The following CCDC148 variants were observed in gnomAD, a reference collection of about 807,000 sequenced individuals.
CCDC148 encodes the protein coiled-coil domain-containing protein 148.
CCDC148 carries 89 observed loss-of-function variants against 85.7 expected under a neutral mutation model. The observed-to-expected ratio is 1.04, with a 90% CI of 0.87 to 1.24. The LOEUF is 1.24. CCDC148 is among the 50% of genes most tolerant of loss of function. CCDC148 has a pLI of 0.00. For missense variants in CCDC148, 692 were observed against 671.7 expected (o/e 1.03, Z -0.33); for synonymous variants, 230 against 213.9 (o/e 1.08, Z -0.66).
In CCDC148 at chr2:158,250,952, C is replaced by T. The variant is rs755188305; in HGVS notation, c.1111-40G>A. The T allele has an allele frequency of 2.4e-5, 38 of 1,561,420 alleles. No homozygotes were observed. The Admixed American group carries it at 3.6e-4, about 15-fold the overall frequency. The stretch of plus-strand genomic sequence containing the variant: ...AAAACTTCATTCCAGTAACTATGCA[C>T]ACTGAAGTTATTTCATAGGTCATAA... On this transcript the variant is annotated intron_variant, in intron 9 of 13. Coordinates refer to ENST00000283233, the MANE Select transcript of CCDC148 (RefSeq NM_138803.4).
chr2:158,288,152 C>T (rs573783522), intron 9 of CCDC148, among the ~76,000 whole-genome samples: 1 of 152,238 alleles, frequency 6.6e-6, no homozygotes, highest in East Asian at 1.9e-4. Flanking sequence ...GAACCCTAGG[C>T]CCAGCCCATG....
intron 1 of CCDC148, among the ~76,000 whole-genome samples, chr2:158,449,431 T>C (rs973073405): frequency 1.8e-4 from 26 of 147,548 alleles, no homozygotes; most frequent in African/African-American, 6.5e-4. Context: ...ATGAGTTCTG[T>C]CCCTTCTTGC....
At chr2:158,442,841 A>C (rs779270602) in intron 1 of CCDC148, among the ~76,000 whole-genome samples, 36 of 152,296 alleles carry the variant, frequency 2.4e-4, no homozygotes, top group Middle Eastern at 3.4e-3. Context: ...TTTGAGTAAC[A>C]CTGTTCTTCC....
intron 10 of CCDC148, among the ~76,000 whole-genome samples, chr2:158,243,291 T>A (rs1036204740): frequency 6.6e-6 from 1 of 152,158 alleles, no homozygotes; most frequent in African/African-American, 2.4e-5. Context: ...TCTTCTTGAA[T>A]GGTAGTAGGC....
At chr2:158,406,613 CTTTTT>C (rs61612452) in intron 1 of CCDC148, among the ~76,000 whole-genome samples, 5 of 31,452 alleles carry the variant, frequency 1.6e-4, no homozygotes, top group African/African-American at 2.0e-4. Context: ...GATTAAATTT[CTTTTT>C]TTTTTTTTTT....
intron 9 of CCDC148, among the ~76,000 whole-genome samples, chr2:158,261,611 A>C (rs1689227438): frequency 6.6e-6 from 1 of 151,750 alleles, no homozygotes; most frequent in Non-Finnish European, 1.5e-5. Context: ...AATATTTGCA[A>C]GCTATGCATC....
intron 10 of CCDC148, among the ~76,000 whole-genome samples, chr2:158,244,804 T>C (rs560231733): frequency 6.6e-6 from 1 of 151,954 alleles, no homozygotes; most frequent in South Asian, 2.1e-4. Flanking sequence ...GGCTGGAGGG[T>C]GAGTAGGGGA....
At chr2:158,314,314 A>G (rs1251017691) in intron 7 of CCDC148, among the ~76,000 whole-genome samples, 1 of 152,236 alleles carries the variant, frequency 6.6e-6, no homozygotes, top group Admixed American at 6.5e-5. Flanking sequence ...AGACAGTTAA[A>G]TGAGCAATTA....
chr2:158,311,887 T>C (rs1692034554), intron 8 of CCDC148, among the ~76,000 whole-genome samples: 1 of 152,160 alleles, frequency 6.6e-6, no homozygotes, highest in African/African-American at 2.4e-5. Context: ...GCAGTGAATC[T>C]CATCCATGGG....
At position 158,375,746 on chromosome 2, in the gene CCDC148, T is replaced by G. The variant is rs530613411; in HGVS notation, c.26-17176A>C. On this transcript the variant is annotated intron_variant, in intron 1 of 13. Transcript: ENST00000283233. Reference sequence around the variant, plus strand: ...CTGCTGGGAATTTCAGGGCAAGATATGTTTTCTCATACAGGCACACCTCCT... The same window carrying G: ...CTGCTGGGAATTTCAGGGCAAGATAGGTTTTCTCATACAGGCACACCTCCT... Among the ~76,000 whole-genome samples the G allele has an allele frequency of 3.9e-5, 6 of 152,244 alleles. No individual in the cohort carries two copies. The South Asian group carries it at 1.2e-3, about 32-fold the overall frequency.
chr2:158,356,975 G>C (rs71218636), intron 2 of CCDC148, among the ~76,000 whole-genome samples: 3 of 148,704 alleles, frequency 2.0e-5, no homozygotes, highest in African/African-American at 7.5e-5. Context: ...GTAAACTATC[G>C]CAAGAACAAA....
Position 158,352,594 on chromosome 2 carries a change from G to C in CCDC148, c.147+5855C>G, listed in dbSNP as rs570024785. Among the ~76,000 whole-genome samples the C allele has an allele frequency of 4.3e-4, 66 of 152,180 alleles. 1 individual carries two copies. Among genetic ancestry groups the C allele is most frequent in the African/African-American group, 1.5e-3 (62 of 41,510 alleles). On this transcript the variant is annotated intron_variant, in intron 2 of 13. Coordinates refer to ENST00000283233, the MANE Select transcript of CCDC148 (RefSeq NM_138803.4). The stretch of plus-strand genomic sequence containing the variant: ...GACTATGTGAAAAGACCAAATCTAC[G>C]TCTGATTGGTGTACCTGAAAGTGAT...
rs372534845 is a variant in CCDC148, at chr2:158,437,921, C to A, written c.25+18494G>T. ...ACCTAGGAATCCAACTTACAAGGGACGTGAAGGACCTCTTCAAGGAGAACT... is the reference window on the plus strand; with the variant it reads ...ACCTAGGAATCCAACTTACAAGGGAAGTGAAGGACCTCTTCAAGGAGAACT... On this transcript the variant is annotated intron_variant, in intron 1 of 13. Transcript: ENST00000283233. 2.6e-5 allele frequency among the ~76,000 whole-genome samples: 4 copies of A among 152,130 alleles called. No homozygotes were observed. In the South Asian group the frequency reaches 6.2e-4, roughly 24 times the overall value.
At chr2:158,436,336 C>G (rs773533102) in intron 1 of CCDC148, among the ~76,000 whole-genome samples, 2 of 152,200 alleles carry the variant, frequency 1.3e-5, no homozygotes, top group African/African-American at 2.4e-5. Context: ...CTCAAAACCA[C>G]ACAACTACAT....
chr2:158,235,685 TC>T (rs1179823047), intron 10 of CCDC148: 1 of 152,224 alleles, frequency 6.6e-6, no homozygotes, highest in Non-Finnish European at 1.5e-5. Context: ...TAATTTCTCA[TC>T]TTTTATTCTT....
intron 7 of CCDC148, among the ~76,000 whole-genome samples, chr2:158,328,016 CTCATT>C (rs1340553513): frequency 6.6e-6 from 1 of 151,736 alleles, no homozygotes; most frequent in Non-Finnish European, 1.5e-5. Context: ...ACTAAATTAT[CTCATT>C]TCTTTTTTTT....
Position 158,276,265 on chromosome 2 carries a change from T to C in CCDC148, c.1111-25353A>G, listed in dbSNP as rs531491056. ...GGCCAATATGGTGAAACCCTGTCTC[T>C]ACTAAAAATACAAAAAAATTTAGCC... On this transcript the variant is annotated intron_variant, in intron 9 of 13. Coordinates refer to ENST00000283233, the MANE Select transcript of CCDC148 (RefSeq NM_138803.4). Among the ~76,000 whole-genome samples the C allele has an allele frequency of 6.6e-5, 10 of 152,142 alleles. No individual in the cohort carries two copies. In the South Asian group the frequency reaches 2.1e-3, roughly 32 times the overall value.
chr2:158,266,093 C>A (rs77335545), intron 9 of CCDC148, among the ~76,000 whole-genome samples: 17,219 of 152,192 alleles, frequency 0.11, 1,150 homozygotes, highest in Middle Eastern at 0.24. Flanking sequence ...CCACGCCTGA[C>A]TAATCCTTTT....
intron 10 of CCDC148, among the ~76,000 whole-genome samples, chr2:158,228,096 C>T (rs993628217): frequency 1.3e-5 from 2 of 151,928 alleles, no homozygotes; most frequent in Non-Finnish European, 2.9e-5. Context: ...ACAATGAACT[C>T]CAACAAATTT....
Sources: gnomAD v4.1 joint callset for allele counts (sites outside exome capture counted in the v4.1 genomes callset) on GRCh38, gnomAD v4.1.1 for gene constraint, MANE v1.5 for transcripts, NCBI Gene and HGNC (gene_info 2026-07-23, HGNC 2026-07-21) for gene names.